Variants in HS6ST3 observed in about 807,000 individuals in gnomAD.
HS6ST3 encodes the protein heparan sulfate 6-O-sulfotransferase 3.
Under a neutral mutation model 36.7 loss-of-function variants are expected in HS6ST3, and 12 were observed. The observed-to-expected ratio is 0.33, with a 90% CI of 0.21 to 0.53. The LOEUF (loss-of-function observed/expected upper bound fraction) is 0.53, where lower values mean the gene tolerates loss of function less well. Ranked by LOEUF, HS6ST3 falls within the 20% of genes least tolerant of loss-of-function variation. HS6ST3 has a pLI of 0.95. For missense variants in HS6ST3, 584 were observed against 640.9 expected (o/e 0.91, Z 0.96); for synonymous variants, 240 against 257.5 (o/e 0.93, Z 0.65).
chr13:96,156,557 T>C (rs1249514379), intron 1 of HS6ST3, among the ~76,000 whole-genome samples: 1 of 152,208 alleles, frequency 6.6e-6, no homozygotes, highest in Non-Finnish European at 1.5e-5. Context: ...TTAGGCAAGA[T>C]TCCTGCTGAC....
chr13:96,180,924 G>A (rs1250267140), intron 1 of HS6ST3, among the ~76,000 whole-genome samples: 1 of 152,036 alleles, frequency 6.6e-6, no homozygotes, highest in Non-Finnish European at 1.5e-5. Flanking sequence ...TTATAAAGAG[G>A]CATAGGGAAT....
At chr13:96,725,888 G>T (rs770288401) in intron 1 of HS6ST3, among the ~76,000 whole-genome samples, 3 of 151,982 alleles carry the variant, frequency 2.0e-5, no homozygotes, top group Non-Finnish European at 4.4e-5. Context: ...CCAGGCTGGA[G>T]TGCAGTGGCG....
intron 1 of HS6ST3, among the ~76,000 whole-genome samples, chr13:96,327,022 G>A (rs1231745517): frequency 7.1e-6 from 1 of 141,678 alleles, no homozygotes; most frequent in South Asian, 2.4e-4. Context: ...TTTTTGATGG[G>A]GTTGTTTGTT....
At chr13:96,522,764 A>T (rs1181147786) in intron 1 of HS6ST3, among the ~76,000 whole-genome samples, 1 of 152,114 alleles carries the variant, frequency 6.6e-6, no homozygotes, top group Admixed American at 6.6e-5. Context: ...GTCTTTGCAC[A>T]TGAGATAGGT....
At chr13:96,554,348 A>G (rs1456973687) in intron 1 of HS6ST3, among the ~76,000 whole-genome samples, 1 of 152,206 alleles carries the variant, frequency 6.6e-6, no homozygotes, top group Non-Finnish European at 1.5e-5. Flanking sequence ...TAAAAATGGT[A>G]TTATACATAG....
chr13:96,805,251 C>T (rs1878170024), intron 1 of HS6ST3, among the ~76,000 whole-genome samples: 1 of 152,052 alleles, frequency 6.6e-6, no homozygotes, highest in Non-Finnish European at 1.5e-5. Context: ...AGATGGACTT[C>T]CCCCTTGCTG....
rs542391884 is a variant in HS6ST3, at chr13:96,664,047, T to C, written c.708-168443T>C. Among the ~76,000 whole-genome samples, 16 of 152,214 alleles carry C rather than the reference T, an allele frequency of 1.1e-4. No individual in the cohort carries two copies. The South Asian group carries it at 3.1e-3, about 30-fold the overall frequency. On this transcript the variant is annotated intron_variant, in intron 1 of 1. Coordinates refer to ENST00000376705, the MANE Select transcript of HS6ST3 (RefSeq NM_153456.4). ...GTACTGAAAATGGTCTAAAATTGCT[T>C]TGTGGGGATGGTTGCCAACTCTATA...
At chr13:96,735,503 T>G (rs897872621) in intron 1 of HS6ST3, among the ~76,000 whole-genome samples, 1 of 152,146 alleles carries the variant, frequency 6.6e-6, no homozygotes, top group African/African-American at 2.4e-5. Flanking sequence ...TTAAAACTTG[T>G]TAAAAACATA....
At chr13:96,173,470 A>G (rs1341526611) in intron 1 of HS6ST3, among the ~76,000 whole-genome samples, 3 of 152,284 alleles carry the variant, frequency 2.0e-5, no homozygotes, top group South Asian at 2.1e-4. Flanking sequence ...ACTCCCATCT[A>G]TAAAGAGCTT....
intron 1 of HS6ST3, among the ~76,000 whole-genome samples, chr13:96,103,006 T>C (rs142531777): frequency 1.3e-5 from 2 of 152,344 alleles, no homozygotes; most frequent in African/African-American, 4.8e-5. Context: ...TTTCTTGGCA[T>C]ATATGTGTTT....
chr13:96,365,450 A>G (rs2055258408), intron 1 of HS6ST3, among the ~76,000 whole-genome samples: 1 of 152,230 alleles, frequency 6.6e-6, no homozygotes, highest in Non-Finnish European at 1.5e-5. Context: ...AGTCTTGATC[A>G]ACCACATTTA....
intron 1 of HS6ST3, among the ~76,000 whole-genome samples, chr13:96,260,652 T>G (rs1158003286): frequency 6.6e-6 from 1 of 150,630 alleles, no homozygotes; most frequent in Non-Finnish European, 1.5e-5. Context: ...CTTTTCTTTT[T>G]TTTTTTAGAT....
intron 1 of HS6ST3, among the ~76,000 whole-genome samples, chr13:96,123,647 TC>T (rs2053937020): frequency 6.6e-6 from 1 of 152,192 alleles, no homozygotes; most frequent in Non-Finnish European, 1.5e-5. Context: ...GGAAAACCAT[TC>T]CCAGAAGTCT....
At chr13:96,245,432 G>C (rs1004525883) in intron 1 of HS6ST3, among the ~76,000 whole-genome samples, 2 of 152,128 alleles carry the variant, frequency 1.3e-5, no homozygotes, top group African/African-American at 4.8e-5. Context: ...TAAGGTAATA[G>C]CTGTCAATTC....
At chr13:96,568,549 G>A (rs1386411489) in intron 1 of HS6ST3, among the ~76,000 whole-genome samples, 2 of 152,108 alleles carry the variant, frequency 1.3e-5, no homozygotes, top group South Asian at 2.1e-4. Flanking sequence ...GAGCCACCAC[G>A]CCTGGCCAGC....
At chr13:96,642,283 T>C (rs1478587639) in intron 1 of HS6ST3, among the ~76,000 whole-genome samples, 2 of 151,882 alleles carry the variant, frequency 1.3e-5, no homozygotes, top group South Asian at 2.1e-4. Flanking sequence ...AATGAATCAC[T>C]TCTTTCTTGC....
chr13:96,134,928 T>C (rs992829678), intron 1 of HS6ST3, among the ~76,000 whole-genome samples: 4 of 152,210 alleles, frequency 2.6e-5, no homozygotes, highest in African/African-American at 9.7e-5. Flanking sequence ...CATCCCATAT[T>C]GGTCAGTTGT....
intron 1 of HS6ST3, among the ~76,000 whole-genome samples, chr13:96,333,309 T>C (rs1448143705): frequency 1.3e-5 from 2 of 152,242 alleles, no homozygotes; most frequent in African/African-American, 2.4e-5. Context: ...ATTCCATGTC[T>C]ATAATTCACA....
chr13:96,459,155 A>T (rs1175499861), intron 1 of HS6ST3, among the ~76,000 whole-genome samples: 1 of 149,382 alleles, frequency 6.7e-6, no homozygotes. Context: ...TGGAGCATTT[A>T]CAATTTGTAA....
Sources: allele counts gnomAD v4.1 joint callset (sites outside exome capture counted in the v4.1 genomes callset), GRCh38; gene constraint gnomAD v4.1.1; transcripts MANE v1.5; gene names NCBI Gene and HGNC (gene_info 2026-07-23, HGNC 2026-07-21).